The following HHIPL1 variants were observed in gnomAD, a reference collection of about 807,000 sequenced individuals.
HHIPL1 encodes the protein HHIP like 1.
Under a neutral mutation model 61.8 loss-of-function variants are expected in HHIPL1, and 43 were observed. The ratio of observed to expected loss-of-function variants is 0.70; its 90% CI spans 0.55 to 0.90. HHIPL1 has a LOEUF of 0.90. Ranked by LOEUF, HHIPL1 falls within the 40% of genes least tolerant of loss-of-function variation. HHIPL1 has a pLI of 0.00. For missense variants in HHIPL1, 1,056 were observed against 1,157.7 expected (o/e 0.91, Z 1.28); for synonymous variants, 482 against 515.8 (o/e 0.93, Z 0.89).
At chr14:99,644,884 C>T (rs1473406264), upstream of HHIPL1, among the ~76,000 whole-genome samples, 2 of 152,324 alleles carry the variant, frequency 1.3e-5, no homozygotes, top group East Asian at 1.9e-4. Context: ...CTGCGCCTCC[C>T]TGGCTAAAGA....
the HHIPL1 span, among the ~76,000 whole-genome samples, chr14:99,616,083 C>T: frequency 1.5e-4 from 23 of 152,292 alleles, no homozygotes; most frequent in South Asian, 4.1e-3. Context: ...ACATTTTAGT[C>T]GGGGTCACAT....
Position 99,676,362 on chromosome 14 carries a change from C to T in HHIPL1, c.*736C>T, listed in dbSNP as rs2056392701. On this transcript the variant is annotated 3_prime_UTR_variant, in exon 9 of 9. Coordinates refer to ENST00000330710, the MANE Select transcript of HHIPL1 (RefSeq NM_001127258.3). ...GCATACTCAGTCCTTGTGGGTGCTC[C>T]TGGGATGGGACCAGCCTCCTCCAAC... The T allele has an allele frequency of 6.6e-6, 1 of 152,392 alleles. No individual in the cohort carries two copies. Among genetic ancestry groups the T allele is most frequent in the East Asian group, 1.9e-4 (1 of 5,182 alleles). 9.4% of individuals were successfully genotyped at this position (152,392 alleles called of 1,614,324 possible).
the HHIPL1 span, among the ~76,000 whole-genome samples, chr14:99,614,061 C>A: frequency 1.7e-4 from 26 of 152,306 alleles, no homozygotes; most frequent in East Asian, 4.8e-3. Context: ...CTGACCCTTA[C>A]CAGCAAGGTG....
Position 99,668,200 on chromosome 14 carries a change from A to G in HHIPL1, c.1649-22A>G. On this transcript the variant is annotated intron_variant, in intron 6 of 8. Coordinates refer to ENST00000330710, the MANE Select transcript of HHIPL1 (RefSeq NM_001127258.3). The surrounding 1 kb of genome is among the most constrained non-coding windows in gnomAD (Gnocchi z 4.7). ...CGGTATTCCAGGTGGGGGTCTCACT[A>G]GTCACTTTGTTCTGTCCAAAGGGGA... 1.1e-5 allele frequency: 16 copies of G among 1,499,508 alleles called. No individual in the cohort carries two copies. Among genetic ancestry groups the G allele is most frequent in the Non-Finnish European group, 1.4e-5 (15 of 1,075,652 alleles). The allele number at this position is 1,499,508 out of a possible 1,614,324, so 92.9% of individuals were successfully genotyped here.
the HHIPL1 span, among the ~76,000 whole-genome samples, chr14:99,631,258 G>T: frequency 3.3e-5 from 5 of 151,670 alleles, no homozygotes; most frequent in Non-Finnish European, 7.4e-5. Context: ...CACCATACCC[G>T]GCTAAGTTTT....
the HHIPL1 span, among the ~76,000 whole-genome samples, chr14:99,616,669 A>T: frequency 4.6e-5 from 7 of 152,186 alleles, no homozygotes; most frequent in African/African-American, 7.2e-5. Flanking sequence ...TGGTTTTTTT[A>T]AAAAATAAGC....
rs1445292720 is a variant in HHIPL1, at chr14:99,679,729, A to G, written c.*4103A>G. Reference sequence around the variant, plus strand: ...CAGACGTGCATGGCACGTACACTCTAGGTTGCTTCCTAGACAGAAAGCTCA... The same window carrying G: ...CAGACGTGCATGGCACGTACACTCTGGGTTGCTTCCTAGACAGAAAGCTCA... On this transcript the variant is annotated 3_prime_UTR_variant, in exon 9 of 9. Transcript: ENST00000330710. 1 of 152,236 alleles carries G rather than the reference A, an allele frequency of 6.6e-6. No individual in the cohort carries two copies. The highest frequency in any genetic ancestry group is 1.5e-5 in the Non-Finnish European group (1 of 68,028). The allele number at this position is 152,236 out of a possible 1,614,324, so 9.4% of individuals were successfully genotyped here.
the HHIPL1 span, among the ~76,000 whole-genome samples, chr14:99,623,568 C>A: frequency 1.3e-5 from 2 of 152,254 alleles, no homozygotes; most frequent in South Asian, 4.2e-4. Context: ...AGTGCACCAC[C>A]ACGCCTGGCT....
At chr14:99,640,669 T>C (rs55928085), upstream of HHIPL1, among the ~76,000 whole-genome samples, 35,093 of 152,012 alleles carry the variant, frequency 0.23, 4,295 homozygotes, top group Middle Eastern at 0.36. Flanking sequence ...ATACATTTTT[T>C]TCCTAATAAA....
At chr14:99,648,937 G>A (rs551122613) in intron 1 of HHIPL1, among the ~76,000 whole-genome samples, 2 of 152,312 alleles carry the variant, frequency 1.3e-5, no homozygotes, top group Admixed American at 6.5e-5. Context: ...GGGCAAGATG[G>A]GGGCCCTCCG....
chr14:99,666,895 T>A (rs960806706), intron 6 of HHIPL1, among the ~76,000 whole-genome samples: 1 of 152,152 alleles, frequency 6.6e-6, no homozygotes, highest in Non-Finnish European at 1.5e-5. Flanking sequence ...CCCAGCCCCA[T>A]CACAGCTGGG....
the HHIPL1 span, among the ~76,000 whole-genome samples, chr14:99,634,102 G>A: frequency 6.6e-6 from 1 of 152,214 alleles, no homozygotes; most frequent in Middle Eastern, 3.2e-3. Context: ...CTCACAGTTG[G>A]CACTGGAAAA....
chr14:99,640,844 C>A (rs1595140303), upstream of HHIPL1, among the ~76,000 whole-genome samples: 1 of 133,526 alleles, frequency 7.5e-6, no homozygotes, highest in African/African-American at 2.8e-5. Context: ...ATATCATCTT[C>A]TTTCTCCCTG....
At chr14:99,657,275 GC>G in intron 3 of HHIPL1, 132 bp downstream of exon 3, 6 of 1,052,110 alleles carry the variant, frequency 5.7e-6, no homozygotes, top group Non-Finnish European at 8.5e-6. Context: ...TCCCAGCTCA[GC>G]CTGCAGCTAG....
At chr14:99,634,191 A>G in the HHIPL1 span, among the ~76,000 whole-genome samples, 4 of 152,034 alleles carry the variant, frequency 2.6e-5, no homozygotes, top group Admixed American at 6.5e-5. Context: ...GAGCAGCGAG[A>G]GAGGGCACGT....
the HHIPL1 span, among the ~76,000 whole-genome samples, chr14:99,631,048 T>TTTTCTTTTTCTTTC: frequency 2.5e-5 from 3 of 120,430 alleles, no homozygotes; most frequent in Non-Finnish European, 5.3e-5. Context: ...AGTGGCTCCA[T>TTTTCTTTTTCTTTC]TTTCTTTCTT....
chr14:99,663,151 T>A, intron 6 of HHIPL1, 130 bp downstream of exon 6: 1 of 833,042 alleles, frequency 1.2e-6, no homozygotes, highest in Non-Finnish European at 1.8e-6. Context: ...ACCTGGGATG[T>A]TCCCTGGCTC....
the HHIPL1 span, among the ~76,000 whole-genome samples, chr14:99,608,190 A>G: frequency 2.0e-5 from 3 of 152,012 alleles, no homozygotes; most frequent in African/African-American, 7.2e-5. Context: ...CAGGGTGGGG[A>G]AAGTCGGGAA....
At chr14:99,664,011 C>T (rs192198406) in intron 6 of HHIPL1, among the ~76,000 whole-genome samples, 2 of 152,136 alleles carry the variant, frequency 1.3e-5, no homozygotes, top group South Asian at 2.1e-4. Context: ...GCCTTCTTGC[C>T]GGTTAGTGGG....
Sources: gnomAD v4.1 joint callset for allele counts (sites outside exome capture counted in the v4.1 genomes callset) on GRCh38, gnomAD v4.1.1 for gene constraint, Gnocchi (gnomAD v3.1) non-coding constraint, MANE v1.5 for transcripts, NCBI Gene and HGNC (gene_info 2026-07-23, HGNC 2026-07-21) for gene names.